Variants in DLC1 observed in about 807,000 individuals in gnomAD.
DLC1 encodes the protein rho GTPase-activating protein 7.
Under a neutral mutation model 140.3 loss-of-function variants are expected in DLC1, and 54 were observed. The observed-to-expected ratio is 0.38, with a 90% CI of 0.31 to 0.48. The LOEUF is 0.48. Ranked by LOEUF, DLC1 falls within the 20% of genes least tolerant of loss-of-function variation. The probability of loss-of-function intolerance (pLI) is 0.96; values close to 1 mark genes in which losing one functional copy is unlikely to be tolerated. For synonymous variants in DLC1, 986 were observed against 728.1 expected (o/e 1.35, Z -5.70); for missense variants, 2,536 against 1,907.0 (o/e 1.33, Z -6.14).
At chr8:13,470,010 C>T (rs1260986723) in intron 2 of DLC1, among the ~76,000 whole-genome samples, 2 of 152,094 alleles carry the variant, frequency 1.3e-5, no homozygotes, top group Non-Finnish European at 2.9e-5. Context: ...ATTTTTATTT[C>T]ATTTATATAA....
chr8:13,495,474 A>T (rs531402139), intron 2 of DLC1, among the ~76,000 whole-genome samples: 27 of 152,278 alleles, frequency 1.8e-4, no homozygotes, highest in African/African-American at 6.5e-4. Context: ...TGGCACATTC[A>T]CTAACATTTG....
chr8:13,244,547 C>G (rs968331746), intron 5 of DLC1, among the ~76,000 whole-genome samples: 8 of 152,232 alleles, frequency 5.3e-5, no homozygotes, highest in South Asian at 2.1e-4. Flanking sequence ...GATCCTCCCA[C>G]TTCAGTCTCC....
intron 5 of DLC1, among the ~76,000 whole-genome samples, chr8:13,298,244 A>G (rs1832041830): frequency 6.6e-6 from 1 of 152,174 alleles, no homozygotes. Context: ...AAAAATGACC[A>G]AGGAAAGCAA....
At chr8:13,362,743 G>A (rs1195382906) in intron 4 of DLC1, among the ~76,000 whole-genome samples, 1 of 152,146 alleles carries the variant, frequency 6.6e-6, no homozygotes, top group Non-Finnish European at 1.5e-5. Flanking sequence ...GTCTGCATCA[G>A]CCACACTGGC....
At chr8:13,188,395 G>C (rs1038208074) in intron 5 of DLC1, among the ~76,000 whole-genome samples, 4 of 117,116 alleles carry the variant, frequency 3.4e-5, no homozygotes, top group African/African-American at 1.3e-4. Flanking sequence ...ACTCCAGCCT[G>C]GGTGACAGAG....
intron 6 of DLC1, among the ~76,000 whole-genome samples, chr8:13,114,788 G>A (rs1387992201): frequency 1.3e-5 from 2 of 152,194 alleles, no homozygotes; most frequent in Non-Finnish European, 2.9e-5. Context: ...GGAAATGGCA[G>A]TCAAAATCTC....
intron 4 of DLC1, among the ~76,000 whole-genome samples, chr8:13,328,866 G>T (rs1833479026): frequency 6.6e-6 from 1 of 152,190 alleles, no homozygotes; most frequent in African/African-American, 2.4e-5. Flanking sequence ...CAATAGGCTG[G>T]AGTGATCTGG....
intron 1 of DLC1, among the ~76,000 whole-genome samples, chr8:13,504,196 A>G (rs4831444): frequency 0.98 from 147,452 of 150,722 alleles, 72,209 homozygotes; most frequent in East Asian, 1. Context: ...GCGCCATCTC[A>G]GCTCACTGCA....
chr8:13,468,485 A>G (rs1800053097), intron 2 of DLC1, among the ~76,000 whole-genome samples: 1 of 150,732 alleles, frequency 6.6e-6, no homozygotes, highest in South Asian at 2.1e-4. Context: ...GTCTCTAACA[A>G]TCCACCACCT....
At chr8:13,314,809 T>A in intron 4 of DLC1, among the ~76,000 whole-genome samples, 1 of 151,920 alleles carries the variant, frequency 6.6e-6, no homozygotes, top group East Asian at 1.9e-4. Context: ...TGAACTGGAA[T>A]TTATCCTTAT....
chr8:13,434,840 T>A (rs1163678596), intron 2 of DLC1, among the ~76,000 whole-genome samples: 6 of 151,976 alleles, frequency 3.9e-5, no homozygotes, highest in Non-Finnish European at 8.8e-5. Flanking sequence ...CCAACACACC[T>A]GGCGAATTTT....
rs1175040814 is a variant in DLC1 at position 13,514,772 on chromosome 8, T to G, written c.-296A>C. The G allele has an allele frequency of 2.5e-6, 1 of 397,106 alleles. No individual in the cohort carries two copies. The highest frequency in any genetic ancestry group is 4.4e-6 in the Non-Finnish European group (1 of 225,340). The allele number at this position is 397,106 out of a possible 1,614,324, so 24.6% of individuals were successfully genotyped here. A position where few individuals can be genotyped will look rare whatever the true frequency, so the allele number is the denominator to read the frequency against. On this transcript the variant is annotated 5_prime_UTR_variant, in exon 1 of 18. Transcript: ENST00000276297. Reference sequence around the variant, plus strand: ...GTGTGTGAGTCTAACAAAAACACCCTCTGCAGCTGGAGGGAGCCTTAGCTA... The same window carrying G: ...GTGTGTGAGTCTAACAAAAACACCCGCTGCAGCTGGAGGGAGCCTTAGCTA...
intron 2 of DLC1, among the ~76,000 whole-genome samples, chr8:13,440,653 A>T (rs928571558): frequency 2.6e-5 from 4 of 152,004 alleles, no homozygotes; most frequent in Admixed American, 1.3e-4. Flanking sequence ...TCTCAACTTG[A>T]ATTATTTCTC....
upstream of DLC1, chr8:13,514,962 G>A (rs1054654564): frequency 1.9e-5 from 5 of 265,866 alleles, no homozygotes; most frequent in Non-Finnish European, 2.8e-5. Context: ...GGGGAGGAGG[G>A]GAGAGCCCAG....
At chr8:13,602,991 G>C (rs538264604) in intron 1 of DLC1, among the ~76,000 whole-genome samples, 1 of 151,932 alleles carries the variant, frequency 6.6e-6, no homozygotes, top group South Asian at 2.1e-4. Flanking sequence ...TGGATGTCAG[G>C]TAATAAAATT....
chr8:13,289,064 A>C (rs948478566), intron 5 of DLC1, among the ~76,000 whole-genome samples: 4 of 151,768 alleles, frequency 2.6e-5, no homozygotes, highest in Non-Finnish European at 5.9e-5. Flanking sequence ...GACCAACTTC[A>C]CTCCTGTGAC....
intron 2 of DLC1, among the ~76,000 whole-genome samples, chr8:13,410,859 G>T (rs190845212): frequency 6.6e-6 from 1 of 152,112 alleles, no homozygotes; most frequent in Admixed American, 6.5e-5. Flanking sequence ...CAGCAGAGGC[G>T]CATAATCATC....
At chr8:13,571,768 T>C (rs1355088276) in intron 1 of DLC1, among the ~76,000 whole-genome samples, 1 of 152,190 alleles carries the variant, frequency 6.6e-6, no homozygotes, top group Non-Finnish European at 1.5e-5. Flanking sequence ...TGTTTAGCTT[T>C]TTGAGGAAGT....
intron 5 of DLC1, among the ~76,000 whole-genome samples, chr8:13,226,454 G>C (rs1828799166): frequency 6.6e-6 from 1 of 152,076 alleles, no homozygotes; most frequent in Non-Finnish European, 1.5e-5. Context: ...CTGATATATG[G>C]GCTAAAATTG....
Sources: gnomAD v4.1 joint callset for allele counts (sites outside exome capture counted in the v4.1 genomes callset) on GRCh38, gnomAD v4.1.1 for gene constraint, MANE v1.5 for transcripts, NCBI Gene and HGNC (gene_info 2026-07-23, HGNC 2026-07-21) for gene names.